Variants in APBA2 observed in about 807,000 individuals in gnomAD.
The protein encoded by APBA2 is amyloid beta precursor protein binding family A member 2.
APBA2 carries 30 observed loss-of-function variants against 75.0 expected under a neutral mutation model. The observed-to-expected ratio is 0.40, with a 90% CI of 0.30 to 0.54. The LOEUF is 0.54. Ranked by LOEUF, APBA2 falls within the 20% of genes least tolerant of loss-of-function variation. The probability of loss-of-function intolerance (pLI) is 0.49; values close to 1 mark genes in which losing one functional copy is unlikely to be tolerated. For synonymous variants in APBA2, 444 were observed against 409.6 expected, an observed-to-expected ratio of 1.08 and a Z score of -1.01; for missense variants, 801 against 1,016.1, an observed-to-expected ratio of 0.79 and a Z score of 2.88.
chr15:28,889,146 C>T (rs1289092385), intron 1 of APBA2, among the ~76,000 whole-genome samples: 4 of 152,146 alleles, frequency 2.6e-5, no homozygotes, highest in Non-Finnish European at 5.9e-5. Context: ...TTGGGTCCAG[C>T]TCGTGTCTCA....
At chr15:28,914,819 C>T (rs2152656118) in intron 1 of APBA2, among the ~76,000 whole-genome samples, 1 of 152,068 alleles carries the variant, frequency 6.6e-6, no homozygotes, top group African/African-American at 2.4e-5. Context: ...GGGGGCCTGG[C>T]CACTCGCCAA....
At chr15:28,897,086 G>A (rs1412072185) in intron 1 of APBA2, among the ~76,000 whole-genome samples, 2 of 151,870 alleles carry the variant, frequency 1.3e-5, no homozygotes, top group South Asian at 4.2e-4. Context: ...GTGTCTTAGT[G>A]GAATCTATTT....
At chr15:28,936,588 C>T (rs2034885863) in intron 2 of APBA2, among the ~76,000 whole-genome samples, 3 of 152,222 alleles carry the variant, frequency 2.0e-5, no homozygotes, top group Admixed American at 2.0e-4. Context: ...GTGCTGGGTG[C>T]CTGCTTGAGT....
At chr15:29,109,812 T>C (rs2044632104) in intron 13 of APBA2, among the ~76,000 whole-genome samples, 1 of 152,196 alleles carries the variant, frequency 6.6e-6, no homozygotes, top group Admixed American at 6.5e-5. Flanking sequence ...GAAGATCAGC[T>C]GAGAAAATCC....
intron 9 of APBA2, among the ~76,000 whole-genome samples, chr15:29,100,897 C>T (rs576514870): frequency 3.1e-4 from 47 of 152,344 alleles, no homozygotes; most frequent in Non-Finnish European, 7.3e-5. Flanking sequence ...CTGGGTTCTG[C>T]ACAGTCCATT....
At chr15:29,075,045 C>T in intron 5 of APBA2, 44 bp downstream of exon 5, 1 of 1,404,036 alleles carries the variant, frequency 7.1e-7, no homozygotes, top group Non-Finnish European at 1.0e-6. Context: ...GAACACTCAT[C>T]TAATGATGGA....
chr15:28,896,185 G>C (rs2032474141), intron 1 of APBA2, among the ~76,000 whole-genome samples: 1 of 152,320 alleles, frequency 6.6e-6, no homozygotes, highest in Non-Finnish European at 1.5e-5. Context: ...ACCTCTGTGA[G>C]TAGACCTTTC....
Position 28,912,525 on chromosome 15 carries a change from T to G in APBA2, c.-204-9115T>G, listed in dbSNP as rs573686904. Reference sequence around the variant, plus strand: ...CTCTAGCTGTTGGCTACTTATCTCCTGGAGCATCAGGGTGAGCGCGGTTCA... The same window carrying G: ...CTCTAGCTGTTGGCTACTTATCTCCGGGAGCATCAGGGTGAGCGCGGTTCA... On this transcript the variant is annotated intron_variant, in intron 1 of 14. Transcript: ENST00000683413. Among the ~76,000 whole-genome samples, 6 of 152,356 alleles carry G rather than the reference T, an allele frequency of 3.9e-5. No homozygotes were observed. The East Asian group carries it at 1.2e-3, about 29-fold the overall frequency.
At chr15:29,044,419 C>G (rs570583742) in intron 3 of APBA2, 1 of 152,268 alleles carries the variant, frequency 6.6e-6, no homozygotes, top group Admixed American at 6.5e-5. Context: ...TTTTCTTGGA[C>G]ATGTAGCAGG....
intron 2 of APBA2, chr15:28,970,212 T>C (rs2036990325): frequency 6.6e-6 from 1 of 152,168 alleles, no homozygotes; most frequent in Non-Finnish European, 1.5e-5. Context: ...ATCCGCTGAT[T>C]GTTTTATTAT....
intron 10 of APBA2, chr15:29,102,140 T>G: frequency 2.5e-6 from 1 of 402,768 alleles, no homozygotes; most frequent in Admixed American, 3.9e-5. Context: ...GGCCCTGGCA[T>G]GCTGTATAAA....
At chr15:28,990,602 T>G (rs1446013670) in intron 2 of APBA2, 3 of 152,194 alleles carry the variant, frequency 2.0e-5, no homozygotes, top group Non-Finnish European at 4.4e-5. Context: ...GGAAACAGGC[T>G]GAGATACTCT....
At chr15:28,969,154 TTC>T (rs368724782) in intron 2 of APBA2, among the ~76,000 whole-genome samples, 1 of 77,416 alleles carries the variant, frequency 1.3e-5, no homozygotes, top group Non-Finnish European at 2.0e-5. Context: ...CTTTCTTTCT[TTC>T]TTTCTTTCTT....
chr15:29,041,409 AGAGGTT>A (rs1291224772), intron 3 of APBA2, among the ~76,000 whole-genome samples: 21 of 151,800 alleles, frequency 1.4e-4, no homozygotes, highest in African/African-American at 4.8e-4. Flanking sequence ...CTTGATCCCC[AGAGGTT>A]GAGGCTGCAG....
rs148863064 is a variant in APBA2, at chr15:29,042,620, T to C, written c.-40-11225T>C. Among the ~76,000 whole-genome samples, 31 of 152,300 alleles carry C rather than the reference T, an allele frequency of 2.0e-4. No homozygotes were observed. The East Asian group carries it at 4.1e-3, about 20-fold the overall frequency. ...TACAGGGGATGAGAACTTAAACATA[T>C]GAATTTTGAGGGGACATAATTCAGC... On this transcript the variant is annotated intron_variant, in intron 3 of 14. Coordinates refer to ENST00000683413, the MANE Select transcript of APBA2 (RefSeq NM_001353788.2).
At chr15:29,074,215 C>T (rs754062557) in intron 4 of APBA2, among the ~76,000 whole-genome samples, 3 of 152,102 alleles carry the variant, frequency 2.0e-5, no homozygotes, top group Non-Finnish European at 4.4e-5. Flanking sequence ...GCACCATTCA[C>T]AATAGCTAAG....
rs894027243 is a variant in APBA2, at chr15:29,098,635, G to A, written c.1338+59G>A. 6 of 1,391,458 alleles carry A rather than the reference G, an allele frequency of 4.3e-6. No individual in the cohort carries two copies. In the African/African-American group the frequency reaches 7.1e-5, roughly 16 times the overall value. The allele number at this position is 1,391,458 out of a possible 1,614,324, so 86.2% of individuals were successfully genotyped here. A position where few individuals can be genotyped will look rare whatever the true frequency, so the allele number is the denominator to read the frequency against. ...AAACTCCTAAGTTCGACTCCTTCTTGTCCCATGGTATAGGCCCTCGTTCTC... is the reference window on the plus strand; with the variant it reads ...AAACTCCTAAGTTCGACTCCTTCTTATCCCATGGTATAGGCCCTCGTTCTC... On this transcript the variant is annotated intron_variant, in intron 9 of 14. Coordinates refer to ENST00000683413, the MANE Select transcript of APBA2 (RefSeq NM_001353788.2).
intron 3 of APBA2, among the ~76,000 whole-genome samples, chr15:29,045,753 CTG>C (rs1203792969): frequency 6.6e-6 from 1 of 152,184 alleles, no homozygotes; most frequent in African/African-American, 2.4e-5. Flanking sequence ...GGTGGAACAA[CTG>C]TGAGTGGGCA....
At chr15:29,109,198 C>T (rs1341873243) in intron 13 of APBA2, among the ~76,000 whole-genome samples, 1 of 152,132 alleles carries the variant, frequency 6.6e-6, no homozygotes, top group African/African-American at 2.4e-5. Flanking sequence ...TGCCCACCCA[C>T]AGTCAGGAAA....
Sources: gnomAD v4.1 joint callset for allele counts (sites outside exome capture counted in the v4.1 genomes callset) on GRCh38, gnomAD v4.1.1 for gene constraint, MANE v1.5 for transcripts, NCBI Gene and HGNC (gene_info 2026-07-23, HGNC 2026-07-21) for gene names.